The following LRRC4C variants were observed in gnomAD, a reference collection of about 807,000 sequenced individuals.
LRRC4C encodes leucine-rich repeat-containing protein 4C.
LRRC4C carries 5 observed loss-of-function variants against 33.6 expected under a neutral mutation model. The observed-to-expected ratio is 0.15, with a 90% confidence interval of 0.08 to 0.31. The LOEUF (loss-of-function observed/expected upper bound fraction) is 0.31, where lower values mean the gene tolerates loss of function less well. Ranked by LOEUF, LRRC4C falls within the 10% of genes least tolerant of loss-of-function variation. LRRC4C has a pLI of 1.00. For synonymous variants in LRRC4C, 329 were observed against 302.0 expected, an observed-to-expected ratio of 1.09 and a Z score of -0.93; for missense variants, 560 against 796.7, an observed-to-expected ratio of 0.70 and a Z score of 3.58.
At chr11:40,200,483 C>T (rs1314866346) in intron 5 of LRRC4C, among the ~76,000 whole-genome samples, 2 of 151,930 alleles carry the variant, frequency 1.3e-5, no homozygotes, top group East Asian at 3.9e-4. Flanking sequence ...CTGACTTTCC[C>T]CAACCTTTCT....
rs568618850 is a variant in LRRC4C at position 41,369,165 on chromosome 11, T to G, written c.-496+90266A>C. ...AATAAGCTCTTTATCTAATAGAATT[T>G]GTGTGATGGTGAAAGATAAATACAT... On this transcript the variant is annotated intron_variant, in intron 1 of 6. Coordinates refer to ENST00000528697, the MANE Select transcript of LRRC4C (RefSeq NM_001258419.2). Among the ~76,000 whole-genome samples the G allele has an allele frequency of 1.9e-3, 287 of 152,328 alleles. 2 individuals are homozygous for G. The highest frequency in any genetic ancestry group is 6.5e-3 in the African/African-American group (271 of 41,574).
intron 1 of LRRC4C, among the ~76,000 whole-genome samples, chr11:41,111,433 T>C (rs1941825014): frequency 6.6e-6 from 1 of 152,056 alleles, no homozygotes; most frequent in South Asian, 2.1e-4. Context: ...TAACCACCGC[T>C]CTGTACTTCC....
intron 1 of LRRC4C, among the ~76,000 whole-genome samples, chr11:41,390,181 C>G (rs1953533595): frequency 6.6e-6 from 1 of 151,982 alleles, no homozygotes; most frequent in East Asian, 1.9e-4. Flanking sequence ...TTGAGATAAC[C>G]TGATCTGCTC....
chr11:40,541,178 G>A (rs1956693851), intron 3 of LRRC4C, among the ~76,000 whole-genome samples: 1 of 152,130 alleles, frequency 6.6e-6, no homozygotes, highest in African/African-American at 2.4e-5. Context: ...TATTTTGTCT[G>A]TTTTTAGTTA....
rs143599553 is a variant in LRRC4C at position 40,274,269 on chromosome 11, C to T, written c.-175-32671G>A. Among the ~76,000 whole-genome samples, 1,430 of 152,028 alleles carry T rather than the reference C, an allele frequency of 9.4e-3. 28 individuals are homozygous for T. Among genetic ancestry groups the T allele is most frequent in the South Asian group, 0.093 (450 of 4,818 alleles). On this transcript the variant is annotated intron_variant, in intron 4 of 6. Coordinates refer to ENST00000528697, the MANE Select transcript of LRRC4C (RefSeq NM_001258419.2). Reference sequence around the variant, plus strand: ...CCGGAGGGGAGGGAAAGATTCCCGTCAAGCCTCTGGCCACATCCAGGGCTT... The same window carrying T: ...CCGGAGGGGAGGGAAAGATTCCCGTTAAGCCTCTGGCCACATCCAGGGCTT...
At chr11:40,541,839 T>C (rs1012646801) in intron 3 of LRRC4C, among the ~76,000 whole-genome samples, 1 of 152,128 alleles carries the variant, frequency 6.6e-6, no homozygotes, top group African/African-American at 2.4e-5. Flanking sequence ...AAGAATGCTA[T>C]GGATAGGAAA....
intron 3 of LRRC4C, among the ~76,000 whole-genome samples, chr11:40,532,896 AG>A (rs1956326434): frequency 6.6e-6 from 1 of 152,142 alleles, no homozygotes; most frequent in South Asian, 2.1e-4. Flanking sequence ...TCAAGGCACA[AG>A]GAAAAGCAAG....
intron 1 of LRRC4C, among the ~76,000 whole-genome samples, chr11:41,101,673 T>A (rs1941195171): frequency 2.0e-5 from 3 of 152,188 alleles, no homozygotes; most frequent in African/African-American, 7.2e-5. Flanking sequence ...ATATAAATCC[T>A]TTTACCATGA....
chr11:40,606,293 A>T (rs1222534686), intron 3 of LRRC4C, among the ~76,000 whole-genome samples: 1 of 152,170 alleles, frequency 6.6e-6, no homozygotes, highest in East Asian at 1.9e-4. Context: ...GGAGCAAGAG[A>T]TTACCAGCTC....
intron 1 of LRRC4C, among the ~76,000 whole-genome samples, chr11:41,257,362 A>G (rs1948835032): frequency 6.6e-6 from 1 of 152,026 alleles, no homozygotes; most frequent in African/African-American, 2.4e-5. Flanking sequence ...CCCCACCATC[A>G]GGCTGAGACA....
At chr11:41,068,547 C>G (rs1229892927) in intron 1 of LRRC4C, among the ~76,000 whole-genome samples, 1 of 152,008 alleles carries the variant, frequency 6.6e-6, no homozygotes, top group African/African-American at 2.4e-5. Flanking sequence ...TCACCACTGA[C>G]CCCACAGAAA....
intron 3 of LRRC4C, among the ~76,000 whole-genome samples, chr11:40,625,096 C>A (rs1962802175): frequency 6.6e-6 from 1 of 152,004 alleles, no homozygotes. Context: ...GCAGATATGA[C>A]AAAGAAACAT....
chr11:40,690,530 T>G (rs984337365), intron 2 of LRRC4C, among the ~76,000 whole-genome samples: 1 of 152,040 alleles, frequency 6.6e-6, no homozygotes, highest in African/African-American at 2.4e-5. Context: ...CAGGCTCTGA[T>G]TGGAAGATGT....
chr11:40,311,335 C>T (rs1201613061), intron 4 of LRRC4C, among the ~76,000 whole-genome samples: 1 of 152,172 alleles, frequency 6.6e-6, no homozygotes, highest in East Asian at 1.9e-4. Context: ...TGTTTCCCTT[C>T]ACAGAAGACA....
chr11:40,886,936 G>T (rs1955488224), intron 2 of LRRC4C, among the ~76,000 whole-genome samples: 1 of 147,176 alleles, frequency 6.8e-6, no homozygotes, highest in African/African-American at 2.5e-5. Flanking sequence ...ATATATACGT[G>T]TACGTATATA....
At chr11:40,806,897 A>C (rs1057388175) in intron 2 of LRRC4C, among the ~76,000 whole-genome samples, 1 of 152,154 alleles carries the variant, frequency 6.6e-6, no homozygotes, top group African/African-American at 2.4e-5. Flanking sequence ...ATGTTCTTGC[A>C]TAATCTACAT....
At chr11:40,472,229 G>A (rs552570319) in intron 3 of LRRC4C, among the ~76,000 whole-genome samples, 5 of 151,998 alleles carry the variant, frequency 3.3e-5, no homozygotes, top group African/African-American at 9.6e-5. Flanking sequence ...GCAATGAGCC[G>A]AGATTGTCCC....
At chr11:41,160,593 T>C (rs1213008633) in intron 1 of LRRC4C, among the ~76,000 whole-genome samples, 2 of 152,170 alleles carry the variant, frequency 1.3e-5, no homozygotes, top group Non-Finnish European at 2.9e-5. Context: ...CTTAAAAAGC[T>C]TGGAAATATA....
Position 41,050,908 on chromosome 11 carries a change from G to A in LRRC4C, c.-495-117185C>T, listed in dbSNP as rs149413437. The stretch of plus-strand genomic sequence containing the variant: ...CATTGCTGAGAAGGCTATAAGCAAA[G>A]AATTACCTCAAGGCTAATTTAAGGC... On this transcript the variant is annotated intron_variant, in intron 1 of 6. Coordinates refer to ENST00000528697, the MANE Select transcript of LRRC4C (RefSeq NM_001258419.2). Among the ~76,000 whole-genome samples, 532 of 152,226 alleles carry A rather than the reference G, an allele frequency of 3.5e-3. 2 individuals are homozygous for A. The highest frequency in any genetic ancestry group is 6.1e-3 in the Non-Finnish European group (416 of 68,012).
Sources: gnomAD v4.1 joint callset for allele counts (sites outside exome capture counted in the v4.1 genomes callset) on GRCh38, gnomAD v4.1.1 for gene constraint, MANE v1.5 for transcripts, NCBI Gene and HGNC (gene_info 2026-07-23, HGNC 2026-07-21) for gene names.